The following CAMK1G variants were observed in gnomAD, a reference collection of about 807,000 sequenced individuals.
CAMK1G encodes calcium/calmodulin-dependent protein kinase type 1G.
In CAMK1G, 27 loss-of-function variants were observed where a neutral mutation model predicts 54.8. The ratio of observed to expected loss-of-function variants is 0.49; its 90% CI spans 0.36 to 0.68. The LOEUF is 0.68. Ranked by LOEUF, CAMK1G falls within the 30% of genes least tolerant of loss-of-function variation. The pLI, the probability that CAMK1G is intolerant of heterozygous loss-of-function variation, is 0.00. For synonymous variants in CAMK1G, 238 were observed against 224.9 expected (o/e 1.06, Z -0.52); for missense variants, 512 against 591.0 (o/e 0.87, Z 1.39).
At chr1:209,605,502 G>A in intron 4 of CAMK1G, 34 bp from the exon 5 acceptor site, 2 of 1,605,718 alleles carry the variant, frequency 1.2e-6, no homozygotes, top group Non-Finnish European at 1.7e-6. Context: ...AGTGAAATGA[G>A]AACTGAATTC....
intron 8 of CAMK1G, among the ~76,000 whole-genome samples, 165 bp downstream of exon 8, chr1:209,609,257 C>T (rs569337932): frequency 3.2e-4 from 48 of 152,202 alleles, no homozygotes; most frequent in African/African-American, 1.0e-3. Context: ...TTCAAAGACC[C>T]GATAAATTAT....
intron 2 of CAMK1G, among the ~76,000 whole-genome samples, chr1:209,597,447 T>A (rs1169467140): frequency 2.0e-5 from 3 of 152,344 alleles, no homozygotes; most frequent in African/African-American, 7.2e-5. Flanking sequence ...GTTCCATCAG[T>A]TCAATAAACA....
At chr1:209,612,326 T>C (rs1021774065) in intron 11 of CAMK1G, 110 bp downstream of exon 11, 24 of 1,189,190 alleles carry the variant, frequency 2.0e-5, no homozygotes, top group Middle Eastern at 2.2e-4. Context: ...GGCAGCTATA[T>C]AGGGAGGGAT....
chr1:209,610,810 C>T (rs1183932046), intron 9 of CAMK1G, among the ~76,000 whole-genome samples: 1 of 152,126 alleles, frequency 6.6e-6, no homozygotes, highest in Admixed American at 6.5e-5. Context: ...GGGGTCAGGG[C>T]CCATGTCTCT....
rs1025400238 is a variant in CAMK1G at position 209,592,362 on chromosome 1, A to C, written c.-29-2593A>C. Reference sequence around the variant, plus strand: ...TCTGTCTCAAAAAAAAAAAAAAAAAAAACTCCAGTACTCCTACTGTGGTCA... The same window carrying C: ...TCTGTCTCAAAAAAAAAAAAAAAAACAACTCCAGTACTCCTACTGTGGTCA... On this transcript the variant is annotated intron_variant, in intron 1 of 12. Coordinates refer to ENST00000361322, the MANE Select transcript of CAMK1G (RefSeq NM_020439.3). 1.0e-3 allele frequency among the ~76,000 whole-genome samples: 151 copies of C among 149,428 alleles called. 1 individual carries two copies. The highest frequency in any genetic ancestry group is 3.1e-3 in the African/African-American group (129 of 41,006).
At chr1:209,606,545 C>A in intron 6 of CAMK1G, 102 bp downstream of exon 6, 1 of 1,320,948 alleles carries the variant, frequency 7.6e-7, no homozygotes, top group Non-Finnish European at 1.1e-6. Flanking sequence ...GGTTCAACTT[C>A]AGGGGCTATC....
At chr1:209,592,344 C>CA (rs56012133) in intron 1 of CAMK1G, among the ~76,000 whole-genome samples, 4,108 of 70,120 alleles carry the variant, frequency 0.059, 248 homozygotes, top group African/African-American at 0.13. Flanking sequence ...GACTCTGTCT[C>CA]AAAAAAAAAA....
At chr1:209,592,364 A>AAAACC (rs1553272847) in intron 1 of CAMK1G, among the ~76,000 whole-genome samples, 1 of 143,774 alleles carries the variant, frequency 7.0e-6, no homozygotes, top group African/African-American at 2.5e-5. Context: ...AAAAAAAAAA[A>AAAACC]CTCCAGTACT....
intron 11 of CAMK1G, 62 bp from the exon 12 acceptor site, chr1:209,612,723 C>A: frequency 1.4e-6 from 2 of 1,393,828 alleles, no homozygotes; most frequent in Non-Finnish European, 2.0e-6. Context: ...CACCTCTGCC[C>A]TGCCCCATCG....
At chr1:209,598,862 G>A (rs1665451818) in intron 2 of CAMK1G, among the ~76,000 whole-genome samples, 1 of 152,180 alleles carries the variant, frequency 6.6e-6, no homozygotes, top group Non-Finnish European at 1.5e-5. Flanking sequence ...CCAACGCTTT[G>A]GAAAGCCAAA....
Position 209,611,874 on chromosome 1 carries a change from TGGA to T in CAMK1G, c.1000_1002del (p.Glu334del), listed in dbSNP as rs1665789231. ...CACAGCCCGGGCGTCCGCCCAGAGG[TGGA>T]GAACAGGCCGCCTGAAACTCAAGCC... On this transcript the variant is annotated inframe_deletion, in exon 11 of 13. Transcript: ENST00000361322. 1.2e-6 allele frequency: 2 copies of T among 1,613,958 alleles called. No individual in the cohort carries two copies. The highest frequency in any genetic ancestry group is 1.1e-5 in the South Asian group (1 of 91,082).
rs560797056 is a variant in CAMK1G at position 209,600,145 on chromosome 1, G to A, written c.221+34G>A. The A allele has an allele frequency of 9.4e-6, 15 of 1,603,106 alleles. No homozygotes were observed. The South Asian group carries it at 1.7e-4, about 18-fold the overall frequency. On this transcript the variant is annotated intron_variant, in intron 3 of 12. Transcript: ENST00000361322. ...GTCTTAGTGTTGACTGGATCACTAT[G>A]GGATCACAACATTTTCTTCACAAAT...
intron 1 of CAMK1G, among the ~76,000 whole-genome samples, chr1:209,588,472 T>C (rs1385894874): frequency 6.6e-6 from 1 of 152,070 alleles, no homozygotes; most frequent in Non-Finnish European, 1.5e-5. Flanking sequence ...ATCACCTAAT[T>C]AGGAGCGTAA....
At chr1:209,599,891 A>C in intron 2 of CAMK1G, 92 bp from the exon 3 acceptor site, 1 of 1,484,312 alleles carries the variant, frequency 6.7e-7, no homozygotes, top group Non-Finnish European at 9.2e-7. Context: ...AGGACTATAT[A>C]GACTCTGTTA....
At chr1:209,612,751 T>C in intron 11 of CAMK1G, 34 bp from the exon 12 acceptor site, 1 of 1,592,890 alleles carries the variant, frequency 6.3e-7, no homozygotes, top group Non-Finnish European at 8.6e-7. Flanking sequence ...TTCCCTCAAA[T>C]ACTTCAAAGG....
chr1:209,599,633 G>A lies in CAMK1G; in HGVS notation c.93-350G>A, dbSNP rs911719023. Reference sequence around the variant, plus strand: ...AGTCAATTGAACATGGACACATTAAGTGTACCTAGTCTGTCTTCCCTACTC... The same window carrying A: ...AGTCAATTGAACATGGACACATTAAATGTACCTAGTCTGTCTTCCCTACTC... On this transcript the variant is annotated intron_variant, in intron 2 of 12. Transcript: ENST00000361322. Among the ~76,000 whole-genome samples the A allele has an allele frequency of 3.9e-5, 6 of 152,302 alleles. No homozygotes were observed. In the South Asian group the frequency reaches 6.2e-4, roughly 16 times the overall value.
chr1:209,591,931 C>G (rs1221823621), intron 1 of CAMK1G, among the ~76,000 whole-genome samples: 2 of 152,178 alleles, frequency 1.3e-5, no homozygotes, highest in East Asian at 1.9e-4. Context: ...TGCTCTACAT[C>G]CCCTCATAGG....
intron 1 of CAMK1G, among the ~76,000 whole-genome samples, chr1:209,587,689 G>A (rs1665138039): frequency 6.6e-6 from 1 of 152,108 alleles, no homozygotes; most frequent in Non-Finnish European, 1.5e-5. Context: ...GCCTGGGGCT[G>A]CACAGCTACG....
chr1:209,594,393 C>T (rs1423428348), intron 1 of CAMK1G, among the ~76,000 whole-genome samples: 1 of 152,206 alleles, frequency 6.6e-6, no homozygotes, highest in Non-Finnish European at 1.5e-5. Flanking sequence ...AACTCCAGAA[C>T]TCTGATATAA....
Sources: allele counts gnomAD v4.1 joint callset (sites outside exome capture counted in the v4.1 genomes callset), GRCh38; gene constraint gnomAD v4.1.1; transcripts MANE v1.5; gene names NCBI Gene and HGNC (gene_info 2026-07-23, HGNC 2026-07-21).